Variants in CSMD3 observed in about 807,000 individuals in gnomAD.
CSMD3 encodes the protein CUB and Sushi multiple domains 3, also known as CUB and sushi domain-containing protein 3.
A neutral mutation model predicts 435.2 loss-of-function variants in CSMD3; 177 were observed. The ratio of observed to expected loss-of-function variants is 0.41; its 90% confidence interval spans 0.36 to 0.46. The LOEUF (loss-of-function observed/expected upper bound fraction) is 0.46. Among genes scored for constraint, CSMD3 ranks in the 20% least tolerant of loss-of-function variants. The pLI is 0.34. For missense variants in CSMD3, 4,265 were observed against 4,504.6 expected (o/e 0.95, Z 1.52); for synonymous variants, 1,656 against 1,520.5 (o/e 1.09, Z -2.07).
At chr8:112,410,827 T>C (rs1811249780) in intron 32 of CSMD3, among the ~76,000 whole-genome samples, 1 of 149,240 alleles carries the variant, frequency 6.7e-6, no homozygotes, top group South Asian at 2.1e-4. Context: ...CAGATTGCCA[T>C]TGCCTTACAA....
At chr8:113,153,745 G>GT (rs1048739465) in intron 4 of CSMD3, among the ~76,000 whole-genome samples, 7 of 151,966 alleles carry the variant, frequency 4.6e-5, no homozygotes, top group Non-Finnish European at 7.4e-5. Context: ...TCATATAATG[G>GT]TTTTTTCTCA....
chr8:112,974,130 C>T (rs2084759750), intron 7 of CSMD3, among the ~76,000 whole-genome samples: 2 of 151,688 alleles, frequency 1.3e-5, no homozygotes, highest in African/African-American at 4.8e-5. Flanking sequence ...GGGAATCTAC[C>T]CGGGAAGTAC....
intron 66 of CSMD3, among the ~76,000 whole-genome samples, chr8:112,239,223 G>A (rs1451394433): frequency 6.6e-6 from 1 of 152,030 alleles, no homozygotes; most frequent in Admixed American, 6.6e-5. Flanking sequence ...GAGTCTCTCT[G>A]AATCTGCTGT....
In CSMD3 at chr8:112,306,009, A is replaced by G; in HGVS notation, c.8069T>C (p.Val2690Ala). The change falls in exon 51 of 71, where the codon GTT becomes GCT. Residue 2690 changes from valine (V) to alanine (A), a missense_variant and splice_region_variant. Val to Ala is a moderately conservative substitution (Grantham distance 64). Around this residue, in one of 3 missense-constraint regions of CSMD3, gnomAD observed 3,255 missense variants for 3,380.2 expected, o/e 0.96. Coordinates refer to ENST00000297405, the MANE Select transcript of CSMD3 (RefSeq NM_198123.2). ...TGAAATTCCCTTGACACACATACCA[A>G]CACAGCGAGGGGTCTTGTTATGATT... ...WSNHNKTPRC[V>A]VVTCPSINSF... 1.2e-6 allele frequency: 2 copies of G among 1,613,126 alleles called. No homozygotes were observed. Among genetic ancestry groups the G allele is most frequent in the Non-Finnish European group, 1.7e-6 (2 of 1,179,166 alleles).
chr8:112,487,100 C>T (rs554503468), intron 31 of CSMD3, among the ~76,000 whole-genome samples: 2 of 152,234 alleles, frequency 1.3e-5, no homozygotes, highest in East Asian at 1.9e-4. Flanking sequence ...TTCATTTGTA[C>T]GGTGGTCAGT....
In CSMD3 at chr8:112,311,046, C is replaced by T. The variant is rs1027963810; in HGVS notation, c.7817G>A (p.Ser2606Asn). 1 of 1,614,094 alleles carries T rather than the reference C, an allele frequency of 6.2e-7. No individual in the cohort carries two copies. Among genetic ancestry groups the T allele is most frequent in the Non-Finnish European group, 8.5e-7 (1 of 1,179,998 alleles). The change falls in exon 50 of 71, where the codon AGC (serine) becomes AAC (asparagine). Residue 2606 changes from serine (S) to asparagine (N), a missense_variant. Coordinates refer to ENST00000297405, the MANE Select transcript of CSMD3 (RefSeq NM_198123.2). ...CDRGFRLVGK[S>N]SAVCRKSSYG... is the part of the protein sequence containing the mutation. Reference sequence around the variant, plus strand: ...GGAAGACTTTCTGCACACAGCACTGCTTTTTCCAACAAGTCGGAATCCTCG... The same window carrying T: ...GGAAGACTTTCTGCACACAGCACTGTTTTTTCCAACAAGTCGGAATCCTCG...
intron 13 of CSMD3, among the ~76,000 whole-genome samples, chr8:112,776,345 TC>T (rs2078246258): frequency 6.6e-6 from 1 of 151,862 alleles, no homozygotes; most frequent in Admixed American, 6.6e-5. Flanking sequence ...TCATAAATTT[TC>T]CTACTAAATA....
At chr8:112,783,401 G>A (rs2078443395) in intron 13 of CSMD3, among the ~76,000 whole-genome samples, 1 of 106,598 alleles carries the variant, frequency 9.4e-6, no homozygotes, top group Non-Finnish European at 1.8e-5. Context: ...AAGGAAGGAA[G>A]GAAGGAAGGA....
At chr8:113,011,518 T>C (rs1414921696) in intron 6 of CSMD3, among the ~76,000 whole-genome samples, 1 of 151,790 alleles carries the variant, frequency 6.6e-6, no homozygotes, top group Non-Finnish European at 1.5e-5. Flanking sequence ...ACAGGAGGTA[T>C]ATAAAAAGAT....
chr8:112,385,226 T>C (rs536895021), intron 36 of CSMD3, among the ~76,000 whole-genome samples: 1 of 152,202 alleles, frequency 6.6e-6, no homozygotes. Flanking sequence ...GGGCATATCA[T>C]TCAAGGAAAG....
intron 4 of CSMD3, among the ~76,000 whole-genome samples, chr8:113,102,341 A>AATTTATTC (rs1304922727): frequency 6.6e-6 from 1 of 152,142 alleles, no homozygotes; most frequent in Non-Finnish European, 1.5e-5. Flanking sequence ...TGTGAAACAA[A>AATTTATTC]ATTTATTCAT....
At chr8:112,357,282 C>T (rs1394743744) in intron 38 of CSMD3, among the ~76,000 whole-genome samples, 1 of 152,102 alleles carries the variant, frequency 6.6e-6, no homozygotes, top group African/African-American at 2.4e-5. Context: ...GAACTTTGAA[C>T]TTGAGAGAGA....
intron 7 of CSMD3, among the ~76,000 whole-genome samples, chr8:112,967,182 C>T (rs11350181): frequency 7.3e-5 from 2 of 27,494 alleles, no homozygotes; most frequent in Admixed American, 1.4e-3. Context: ...CTCCAAGAAA[C>T]TATCAACTGT....
At chr8:113,087,193 G>A (rs1389077618) in intron 5 of CSMD3, among the ~76,000 whole-genome samples, 1 of 152,126 alleles carries the variant, frequency 6.6e-6, no homozygotes, top group Non-Finnish European at 1.5e-5. Flanking sequence ...TACGTGGAAA[G>A]TGGCATCTTT....
At chr8:112,420,443 C>A (rs1396254445) in intron 32 of CSMD3, among the ~76,000 whole-genome samples, 1 of 152,196 alleles carries the variant, frequency 6.6e-6, no homozygotes, top group East Asian at 1.9e-4. Flanking sequence ...CATCAAATAA[C>A]TATTTCTTGT....
intron 23 of CSMD3, among the ~76,000 whole-genome samples, chr8:112,577,439 C>T (rs1830031003): frequency 6.6e-6 from 1 of 151,996 alleles, no homozygotes; most frequent in African/African-American, 2.4e-5. Context: ...ATTTGAGACT[C>T]TTAGTGCTCA....
intron 13 of CSMD3, among the ~76,000 whole-genome samples, chr8:112,750,653 G>A (rs2077547356): frequency 6.6e-6 from 1 of 151,944 alleles, no homozygotes; most frequent in African/African-American, 2.4e-5. Flanking sequence ...ACAGTAAAAA[G>A]GCCAGTTTGG....
At chr8:112,908,967 TA>T (rs2082334723) in intron 10 of CSMD3, among the ~76,000 whole-genome samples, 1 of 151,648 alleles carries the variant, frequency 6.6e-6, no homozygotes, top group Admixed American at 6.6e-5. Flanking sequence ...AAGTCATTTC[TA>T]TAGTCTTAAT....
Position 112,810,006 on chromosome 8 carries a change from A to T in CSMD3, c.1860-9732T>A, listed in dbSNP as rs76220626. On this transcript the variant is annotated intron_variant, in intron 12 of 70. Transcript: ENST00000297405. ...GTCTGTATACATTGACTAATCTCTCATCTAAAGCTTTCCAGTGATTTTCCA... is the reference window on the plus strand; with the variant it reads ...GTCTGTATACATTGACTAATCTCTCTTCTAAAGCTTTCCAGTGATTTTCCA... Among the ~76,000 whole-genome samples the T allele has an allele frequency of 5.7e-3, 874 of 152,218 alleles. 18 individuals carry two copies. In the East Asian group the frequency reaches 0.074, roughly 13 times the overall value.
Sources: gnomAD v4.1 joint callset for allele counts (sites outside exome capture counted in the v4.1 genomes callset) on GRCh38, gnomAD v4.1.1 for gene constraint, gnomAD v4.1.1 regional missense constraint, MANE v1.5 for transcripts, NCBI Gene and HGNC (gene_info 2026-07-23, HGNC 2026-07-21) for gene names.